The following CLNK variants were observed in gnomAD, a reference collection of about 807,000 sequenced individuals.
The protein encoded by CLNK is cytokine dependent hematopoietic cell linker, also known as cytokine-dependent hematopoietic cell linker.
CLNK carries 74 observed loss-of-function variants against 68.6 expected under a neutral mutation model. The observed-to-expected ratio is 1.08, with a 90% CI of 0.89 to 1.31. The LOEUF is 1.31. CLNK is among the 50% of genes most tolerant of loss of function. The probability of loss-of-function intolerance (pLI) is 0.00; values close to 1 mark genes in which losing one functional copy is unlikely to be tolerated. For synonymous variants in CLNK, 198 were observed against 172.2 expected (o/e 1.15, Z -1.17); for missense variants, 553 against 515.3 (o/e 1.07, Z -0.71).
intron 8 of CLNK, among the ~76,000 whole-genome samples, chr4:10,544,921 C>T (rs149972897): frequency 6.6e-6 from 1 of 152,038 alleles, no homozygotes; most frequent in South Asian, 2.1e-4. Context: ...ATAAAGCCAC[C>T]GGTTTTCCTT....
chr4:10,608,729 A>T (rs575346722), intron 2 of CLNK, among the ~76,000 whole-genome samples: 33 of 152,280 alleles, frequency 2.2e-4, no homozygotes, highest in Non-Finnish European at 3.7e-4. Context: ...TGGGCTGGGG[A>T]TTGCATTAGG....
At chr4:10,492,701 T>A (rs1419078162) in intron 18 of CLNK, among the ~76,000 whole-genome samples, 1 of 152,080 alleles carries the variant, frequency 6.6e-6, no homozygotes, top group Non-Finnish European at 1.5e-5. Flanking sequence ...CTTCCCACCG[T>A]CATGTGGGAT....
At chr4:10,617,459 T>G (rs922023346) in intron 2 of CLNK, among the ~76,000 whole-genome samples, 1 of 152,214 alleles carries the variant, frequency 6.6e-6, no homozygotes, top group Admixed American at 6.5e-5. Flanking sequence ...GATATGTAAC[T>G]GTAAGGTATG....
At chr4:10,610,249 G>A (rs868359486) in intron 2 of CLNK, among the ~76,000 whole-genome samples, 1 of 149,402 alleles carries the variant, frequency 6.7e-6, no homozygotes, top group South Asian at 2.1e-4. Flanking sequence ...GTAGAGACGG[G>A]GTTTCACCGT....
chr4:10,704,707 C>G, the CLNK span, among the ~76,000 whole-genome samples: 2 of 152,186 alleles, frequency 1.3e-5, no homozygotes, highest in Admixed American at 6.5e-5. Context: ...GTCAAGCCCC[C>G]CTGTGCTCAA....
At chr4:10,731,133 A>G in the CLNK span, among the ~76,000 whole-genome samples, 2 of 152,232 alleles carry the variant, frequency 1.3e-5, no homozygotes, top group African/African-American at 2.4e-5. Context: ...ATTGTGAACT[A>G]TAGTCATCAC....
In CLNK at chr4:10,490,212, C is replaced by A; in HGVS notation, c.*255G>T. 2 of 357,988 alleles carry A rather than the reference C, an allele frequency of 5.6e-6. No homozygotes were observed. The highest frequency in any genetic ancestry group is 6.6e-5 in the South Asian group (1 of 15,166). 22.2% of individuals were successfully genotyped at this position (357,988 alleles called of 1,614,324 possible). A position where few individuals can be genotyped will look rare whatever the true frequency, so the allele number is the denominator to read the frequency against. ...GTTTTTTAGAAGATACTTTTAAAAC[C>A]CTAGTTTTTATTTTTATTTATTTTC... On this transcript the variant is annotated 3_prime_UTR_variant, in exon 19 of 19. Transcript: ENST00000226951.
chr4:10,564,796 A>T lies in CLNK; in HGVS notation c.293-19T>A. Reference sequence around the variant, plus strand: ...TGTGTATCTATGCAAACAGAAAAATATGAAAGTCATACCTTACGTGGACTC... The same window carrying T: ...TGTGTATCTATGCAAACAGAAAAATTTGAAAGTCATACCTTACGTGGACTC... On this transcript the variant is annotated intron_variant, in intron 6 of 18. Coordinates refer to ENST00000226951, the MANE Select transcript of CLNK (RefSeq NM_052964.4). The T allele has an allele frequency of 1.4e-6, 2 of 1,451,962 alleles. No individual in the cohort carries two copies. The highest frequency in any genetic ancestry group is 1.7e-4 in the Middle Eastern group (1 of 5,734). The allele number at this position is 1,451,962 out of a possible 1,614,324, so 89.9% of individuals were successfully genotyped here.
At chr4:10,731,911 A>G in the CLNK span, among the ~76,000 whole-genome samples, 1 of 152,238 alleles carries the variant, frequency 6.6e-6, no homozygotes, top group African/African-American at 2.4e-5. Context: ...CTAAAGGATT[A>G]GCAACGGTCT....
intron 17 of CLNK, among the ~76,000 whole-genome samples, chr4:10,507,097 G>T (rs1287417546): frequency 2.7e-5 from 4 of 150,384 alleles, no homozygotes; most frequent in Non-Finnish European, 3.0e-5. Flanking sequence ...GAGCCACCGC[G>T]TCCGGCTGAA....
chr4:10,664,626 G>T (rs185828603), intron 2 of CLNK, among the ~76,000 whole-genome samples: 1 of 152,330 alleles, frequency 6.6e-6, no homozygotes, highest in East Asian at 1.9e-4. Context: ...ATCAACCGAG[G>T]ATCTTGTAAA....
In CLNK at chr4:10,664,229, T is replaced by TA. The variant is rs11286491; in HGVS notation, c.11+3629dup. On this transcript the variant is annotated intron_variant, in intron 2 of 18. Transcript: ENST00000226951. ...TTACATTCAGTTGAGCATTAACAAG[T>TA]AAAAAAAAAAAAGGAATGATGTCTG... Among the ~76,000 whole-genome samples the TA allele has an allele frequency of 1.9e-3, 293 of 150,594 alleles. 1 individual carries two copies. The highest frequency in any genetic ancestry group is 3.4e-3 in the Middle Eastern group (1 of 290).
chr4:10,570,303 T>A (rs1720293364), intron 5 of CLNK, among the ~76,000 whole-genome samples: 1 of 152,074 alleles, frequency 6.6e-6, no homozygotes, highest in Non-Finnish European at 1.5e-5. Flanking sequence ...CAGGACATGA[T>A]AAGAAGGCTG....
At chr4:10,518,408 A>T (rs940847789) in intron 15 of CLNK, among the ~76,000 whole-genome samples, 2 of 152,196 alleles carry the variant, frequency 1.3e-5, no homozygotes, top group Admixed American at 6.5e-5. Flanking sequence ...ATAAATATTT[A>T]TTAGAAAAAT....
intron 7 of CLNK, 113 bp from the exon 8 acceptor site, chr4:10,558,565 C>T: frequency 1.1e-6 from 1 of 950,608 alleles, no homozygotes; most frequent in Non-Finnish European, 1.7e-6. Flanking sequence ...AGTCCCTGGG[C>T]TCTCTGGTTT....
At chr4:10,678,185 C>A (rs1054702081) in intron 1 of CLNK, among the ~76,000 whole-genome samples, 1 of 152,160 alleles carries the variant, frequency 6.6e-6, no homozygotes, top group Non-Finnish European at 1.5e-5. Context: ...TCTTTCAACC[C>A]AGGTATGCTG....
At chr4:10,612,662 C>T (rs967382689) in intron 2 of CLNK, among the ~76,000 whole-genome samples, 5 of 152,172 alleles carry the variant, frequency 3.3e-5, no homozygotes, top group African/African-American at 1.2e-4. Flanking sequence ...ATCTACTGCC[C>T]TTGGTACACA....
intron 2 of CLNK, among the ~76,000 whole-genome samples, chr4:10,606,752 T>C (rs375577556): frequency 6.6e-6 from 1 of 152,202 alleles, no homozygotes; most frequent in Non-Finnish European, 1.5e-5. Context: ...AAATGTTATA[T>C]GGTGCATGAC....
the CLNK span, among the ~76,000 whole-genome samples, chr4:10,725,671 G>C: frequency 6.6e-6 from 1 of 152,100 alleles, no homozygotes; most frequent in South Asian, 2.1e-4. Flanking sequence ...GGCTAACATG[G>C]TGAAACACCT....
Sources: gnomAD v4.1 joint callset for allele counts (sites outside exome capture counted in the v4.1 genomes callset) on GRCh38, gnomAD v4.1.1 for gene constraint, MANE v1.5 for transcripts, NCBI Gene and HGNC (gene_info 2026-07-23, HGNC 2026-07-21) for gene names.